XRRA1: variants seen among roughly 807,000 people sequenced by gnomAD.
XRRA1 encodes the protein X-ray radiation resistance associated 1.
In XRRA1, 69 loss-of-function variants were observed where a neutral mutation model predicts 80.2. The ratio of observed to expected loss-of-function variants is 0.86; its 90% confidence interval spans 0.71 to 1.05. The LOEUF (loss-of-function observed/expected upper bound fraction) is 1.05, where lower values mean the gene tolerates loss of function less well. Among genes scored for constraint, XRRA1 ranks in the 50% least tolerant of loss-of-function variants. The probability of loss-of-function intolerance (pLI) is 0.00; values close to 1 mark genes in which losing one functional copy is unlikely to be tolerated. For missense variants in XRRA1, 967 were observed against 976.4 expected (o/e 0.99, Z 0.13); for synonymous variants, 348 against 389.9 (o/e 0.89, Z 1.27).
At position 74,848,210 on chromosome 11, in the gene XRRA1, T is replaced by C; in HGVS notation, c.1633A>G (p.Thr545Ala). Residue 545 changes from threonine to alanine, a missense_variant, in exon 15 of 19, where the codon ACC (threonine) becomes GCC (alanine). Coordinates refer to ENST00000684022, the MANE Select transcript of XRRA1 (RefSeq NM_001378157.1). Reference protein sequence around the residue: ...CSNSTVHSEETLSHLSDTTVR... With the variant: ...CSNSTVHSEEALSHLSDTTVR... ...GTTGTGTCACTCAGGTGGGACAGGG[T>C]CTCTTCACTATGCACAGTGGAGTTG... is the stretch of plus-strand genomic sequence containing the variant. 2 of 1,613,702 alleles carry C rather than the reference T, an allele frequency of 1.2e-6. No homozygotes were observed. The highest frequency in any genetic ancestry group is 2.7e-5 in the African/African-American group (2 of 74,938).
At chr11:74,907,463 C>T (rs1305439185) in intron 8 of XRRA1, among the ~76,000 whole-genome samples, 190 bp from the exon 9 acceptor site, 1 of 152,198 alleles carries the variant, frequency 6.6e-6, no homozygotes, top group East Asian at 1.9e-4. Context: ...CTTTCCCAAA[C>T]ACTATTATAC....
At chr11:74,906,710 T>C in intron 9 of XRRA1, 2 of 530,200 alleles carry the variant, frequency 3.8e-6, no homozygotes, top group Admixed American at 7.0e-5. Flanking sequence ...CAAAGTAGTA[T>C]TCAGTAAATG....
At chr11:74,922,684 G>A (rs1638792998) in intron 7 of XRRA1, among the ~76,000 whole-genome samples, 1 of 152,126 alleles carries the variant, frequency 6.6e-6, no homozygotes, top group African/African-American at 2.4e-5. Flanking sequence ...CACGCTACAG[G>A]TTACCCTCAG....
chr11:74,873,024 A>G (rs577577469), intron 10 of XRRA1, among the ~76,000 whole-genome samples: 1 of 152,288 alleles, frequency 6.6e-6, no homozygotes, highest in East Asian at 1.9e-4. Flanking sequence ...TTTAGCTTGC[A>G]TGGGGGCCAG....
At chr11:74,868,075 C>A (rs2043876917) in intron 10 of XRRA1, among the ~76,000 whole-genome samples, 1 of 152,038 alleles carries the variant, frequency 6.6e-6, no homozygotes, top group South Asian at 2.1e-4. Flanking sequence ...GCATGCGTCA[C>A]CGCACCTAAT....
At chr11:74,868,610 T>C (rs535816181) in intron 10 of XRRA1, among the ~76,000 whole-genome samples, 1 of 151,986 alleles carries the variant, frequency 6.6e-6, no homozygotes, top group East Asian at 1.9e-4. Flanking sequence ...ATCTCACATG[T>C]GATGACACCC....
intron 10 of XRRA1, among the ~76,000 whole-genome samples, chr11:74,883,400 C>T (rs546313076): frequency 1.7e-4 from 26 of 152,236 alleles, no homozygotes; most frequent in Middle Eastern, 6.8e-3. Context: ...CACTGACCTG[C>T]GCCCACTGTC....
chr11:74,942,184 G>T (rs1044914209), intron 2 of XRRA1, among the ~76,000 whole-genome samples: 2 of 152,096 alleles, frequency 1.3e-5, no homozygotes, highest in African/African-American at 4.8e-5. Context: ...AGAACCGGGG[G>T]GTGGAGAGTG....
At chr11:74,843,674 T>C in intron 18 of XRRA1, 180 bp downstream of exon 18, 2 of 809,974 alleles carry the variant, frequency 2.5e-6, no homozygotes, top group Non-Finnish European at 3.9e-6. Context: ...TAACATGCTG[T>C]GTGATTTTAG....
At chr11:74,946,942 G>A (rs539928554) in intron 1 of XRRA1, among the ~76,000 whole-genome samples, 1 of 152,076 alleles carries the variant, frequency 6.6e-6, no homozygotes, top group Non-Finnish European at 1.5e-5. Flanking sequence ...TAGTAGAGAC[G>A]GGGTTTCAAC....
chr11:74,883,747 G>A (rs1285179261), intron 10 of XRRA1, among the ~76,000 whole-genome samples: 1 of 152,178 alleles, frequency 6.6e-6, no homozygotes, highest in Non-Finnish European at 1.5e-5. Flanking sequence ...GAAGTAGCCA[G>A]AAAGAGTTGT....
chr11:74,943,552 TGTGTGTGTG>T (rs1946840251), intron 2 of XRRA1, among the ~76,000 whole-genome samples: 1 of 150,918 alleles, frequency 6.6e-6, no homozygotes, highest in Admixed American at 6.6e-5. Context: ...TGTGTGTGTG[TGTGTGTGTG>T]TATGTGTCAG....
chr11:74,940,665 A>G (rs1591635861), intron 3 of XRRA1, 120 bp downstream of exon 3: 4 of 778,264 alleles, frequency 5.1e-6, no homozygotes, highest in Admixed American at 2.3e-5. Context: ...CTGGAGGGGG[A>G]AGGATTAGGT....
At chr11:74,913,216 T>G (rs1040399618) in intron 8 of XRRA1, among the ~76,000 whole-genome samples, 9 of 152,220 alleles carry the variant, frequency 5.9e-5, no homozygotes, top group Non-Finnish European at 1.3e-4. Flanking sequence ...CCAGGAACTT[T>G]TCTTCCCAAT....
chr11:74,868,303 C>A (rs888010971), intron 10 of XRRA1, among the ~76,000 whole-genome samples: 10 of 152,106 alleles, frequency 6.6e-5, no homozygotes, highest in African/African-American at 2.4e-4. Context: ...AAATAAGATC[C>A]TTTTCAGACA....
chr11:74,865,209 G>C (rs2043137971), intron 10 of XRRA1, among the ~76,000 whole-genome samples: 1 of 151,818 alleles, frequency 6.6e-6, no homozygotes, highest in African/African-American at 2.4e-5. Flanking sequence ...ATCTGCATAG[G>C]GACTTGCTAG....
intron 8 of XRRA1, chr11:74,911,151 CT>C (rs1307236941): frequency 3.9e-5 from 6 of 152,216 alleles, no homozygotes; most frequent in Non-Finnish European, 8.8e-5. Flanking sequence ...GTTTAAGAGG[CT>C]AGCAGAAAAG....
At chr11:74,926,705 G>A (rs530158281) in intron 7 of XRRA1, among the ~76,000 whole-genome samples, 21 of 152,134 alleles carry the variant, frequency 1.4e-4, no homozygotes, top group Admixed American at 1.2e-3. Context: ...GAACTATAAG[G>A]ACATGTGCAG....
Position 74,848,244 on chromosome 11 carries a change from G to A in XRRA1, c.1599C>T (p.Pro533=). Residue 533 remains proline (P), a synonymous_variant, in exon 15 of 19, where the codon CCC becomes CCT. Coordinates refer to ENST00000684022, the MANE Select transcript of XRRA1 (RefSeq NM_001378157.1). ...TATGCACAGTGGAGTTGGAGCAGAT[G>A]GGAGGCAGTGGCACGAAGGTCCGGC... ...PSCRTFVPLP[P]ICSNSTVHSE... 1 of 1,613,946 alleles carries A rather than the reference G, an allele frequency of 6.2e-7. No individual in the cohort carries two copies. Among genetic ancestry groups the A allele is most frequent in the Admixed American group, 1.7e-5 (1 of 60,014 alleles).
Sources: allele counts gnomAD v4.1 joint callset (sites outside exome capture counted in the v4.1 genomes callset), GRCh38; gene constraint gnomAD v4.1.1; transcripts MANE v1.5; gene names NCBI Gene and HGNC (gene_info 2026-07-23, HGNC 2026-07-21).